The following CDH13 variants were observed in gnomAD, a reference collection of about 807,000 sequenced individuals.
CDH13 encodes cadherin 13.
In CDH13, 24 loss-of-function variants were observed where a neutral mutation model predicts 63.8. The observed-to-expected ratio is 0.38, with a 90% CI of 0.27 to 0.53. CDH13 has a LOEUF of 0.53. CDH13 is among the 20% of genes least tolerant of loss of function. The pLI is 0.85. For synonymous variants in CDH13, 503 were observed against 355.3 expected, an observed-to-expected ratio of 1.42 and a Z score of -4.67; for missense variants, 1,049 against 903.1, an observed-to-expected ratio of 1.16 and a Z score of -2.07.
chr16:82,669,478 G>A (rs1039415558), intron 1 of CDH13, among the ~76,000 whole-genome samples: 3 of 152,174 alleles, frequency 2.0e-5, no homozygotes, highest in African/African-American at 4.8e-5. Context: ...TTCTAGTACG[G>A]ACTTAATTGT....
chr16:83,643,760 A>G (rs926797689), intron 8 of CDH13, among the ~76,000 whole-genome samples: 4 of 152,188 alleles, frequency 2.6e-5, no homozygotes, highest in African/African-American at 9.7e-5. Context: ...AAATAGAATG[A>G]ATGAGACAGG....
At chr16:83,655,675 G>A (rs1278511569) in intron 8 of CDH13, among the ~76,000 whole-genome samples, 1 of 152,228 alleles carries the variant, frequency 6.6e-6, no homozygotes, top group Non-Finnish European at 1.5e-5. Flanking sequence ...GAAGACAGAG[G>A]AATGTCAGCT....
chr16:83,728,269 C>T (rs533868608), intron 10 of CDH13, among the ~76,000 whole-genome samples: 1 of 151,866 alleles, frequency 6.6e-6, no homozygotes, highest in Non-Finnish European at 1.5e-5. Context: ...ACCCCACAAG[C>T]CTGTGAGCCG....
At chr16:83,140,894 AT>A (rs960833733) in intron 4 of CDH13, among the ~76,000 whole-genome samples, 1 of 152,110 alleles carries the variant, frequency 6.6e-6, no homozygotes, top group Non-Finnish European at 1.5e-5. Context: ...CCAGCAATGT[AT>A]TTTTTTCCCA....
intron 2 of CDH13, chr16:82,990,053 C>G (rs1002858833): frequency 3.9e-5 from 6 of 152,088 alleles, no homozygotes; most frequent in African/African-American, 1.2e-4. Context: ...CTGCAGTGAA[C>G]TATCCATATA....
At chr16:83,486,787 T>C in intron 7 of CDH13, 132 bp downstream of exon 7, 1 of 791,676 alleles carries the variant, frequency 1.3e-6, no homozygotes, top group East Asian at 2.7e-5. Flanking sequence ...TACCATGTTT[T>C]GGTGGGGAAA....
chr16:83,102,949 T>TTTTTTTTTTTTTTTTTTTTTTTTTTTTTC (rs2034567139), intron 3 of CDH13, among the ~76,000 whole-genome samples: 1 of 45,324 alleles, frequency 2.2e-5, no homozygotes, highest in Non-Finnish European at 5.0e-5. Context: ...TTTCTTTTTC[T>TTTTTTTTTTTTTTTTTTTTTTTTTTTTTC]TTTTTTTTTT....
intron 4 of CDH13, among the ~76,000 whole-genome samples, chr16:83,149,672 C>G (rs1010010538): frequency 2.0e-5 from 3 of 152,066 alleles, no homozygotes; most frequent in East Asian, 1.9e-4. Flanking sequence ...TTCTAAAAGC[C>G]CTATCATCAG....
chr16:83,531,978 G>C (rs2075093294), intron 7 of CDH13, among the ~76,000 whole-genome samples: 1 of 152,132 alleles, frequency 6.6e-6, no homozygotes. Context: ...ATGTGTTATG[G>C]GAGGCACCCG....
intron 1 of CDH13, among the ~76,000 whole-genome samples, chr16:82,751,020 A>G (rs566577596): frequency 1.3e-5 from 2 of 152,200 alleles, no homozygotes; most frequent in Non-Finnish European, 2.9e-5. Flanking sequence ...TCCCCAGCCA[A>G]CTTAACTGGG....
At chr16:83,732,207 T>C (rs1258861235) in intron 10 of CDH13, among the ~76,000 whole-genome samples, 1 of 152,224 alleles carries the variant, frequency 6.6e-6, no homozygotes. Context: ...CTTACAGCTC[T>C]TTCCCATGGG....
chr16:82,973,215 A>C (rs1909021385), intron 2 of CDH13, among the ~76,000 whole-genome samples: 1 of 152,038 alleles, frequency 6.6e-6, no homozygotes. Context: ...TCTGATGCTC[A>C]TTTTTCTTGG....
At chr16:83,604,183 T>TC (rs1908113213) in intron 8 of CDH13, among the ~76,000 whole-genome samples, 1 of 151,890 alleles carries the variant, frequency 6.6e-6, no homozygotes, top group Non-Finnish European at 1.5e-5. Context: ...GAGGTAGACG[T>TC]CCCCCTTTCT....
rs549026387 is a variant in CDH13 at position 82,876,421 on chromosome 16, T to C, written c.157+17948T>C. 4.2e-4 allele frequency among the ~76,000 whole-genome samples: 64 copies of C among 152,334 alleles called. No individual in the cohort carries two copies. In the South Asian group the frequency reaches 0.012, roughly 30 times the overall value. On this transcript the variant is annotated intron_variant, in intron 2 of 13. Coordinates refer to ENST00000567109, the MANE Select transcript of CDH13 (RefSeq NM_001257.5). ...ACATTGAAAGAACATGCAACCCACA[T>C]TTTTGTCTTATTTTCAAGTTTTGAA...
chr16:83,461,249 T>C (rs556085178), intron 6 of CDH13, among the ~76,000 whole-genome samples: 1 of 152,190 alleles, frequency 6.6e-6, no homozygotes, highest in Non-Finnish European at 1.5e-5. Context: ...CCTATTTATA[T>C]ATAAAATATA....
At chr16:83,091,034 C>T (rs1274684208) in intron 3 of CDH13, among the ~76,000 whole-genome samples, 1 of 151,922 alleles carries the variant, frequency 6.6e-6, no homozygotes, top group East Asian at 1.9e-4. Context: ...ATAACATTTT[C>T]TATGTTGCTA....
intron 1 of CDH13, among the ~76,000 whole-genome samples, chr16:82,684,596 G>T (rs539002971): frequency 1.3e-5 from 2 of 152,040 alleles, no homozygotes; most frequent in South Asian, 2.1e-4. Flanking sequence ...AATGTATGAG[G>T]ACTGTTTCCA....
At chr16:82,743,266 G>A (rs914191661) in intron 1 of CDH13, among the ~76,000 whole-genome samples, 5 of 152,106 alleles carry the variant, frequency 3.3e-5, no homozygotes, top group African/African-American at 1.2e-4. Context: ...TCGCTCTGCT[G>A]CCCAGGCTGG....
chr16:83,274,689 C>T (rs781599342), intron 5 of CDH13, among the ~76,000 whole-genome samples: 3 of 152,116 alleles, frequency 2.0e-5, no homozygotes, highest in Non-Finnish European at 4.4e-5. Flanking sequence ...AAAGGATCCT[C>T]AGCTTCTACT....
Sources: gnomAD v4.1 joint callset for allele counts (sites outside exome capture counted in the v4.1 genomes callset) on GRCh38, gnomAD v4.1.1 for gene constraint, MANE v1.5 for transcripts, NCBI Gene and HGNC (gene_info 2026-07-23, HGNC 2026-07-21) for gene names.